The following SYT17 variants were observed in gnomAD, a reference collection of about 807,000 sequenced individuals.
SYT17 encodes synaptotagmin 17, also known as synaptotagmin-17.
SYT17 carries 22 observed loss-of-function variants against 46.7 expected under a neutral mutation model. That is an observed-to-expected ratio of 0.47 (90% CI 0.34 to 0.67). The LOEUF (loss-of-function observed/expected upper bound fraction) is 0.67. SYT17 is among the 30% of genes least tolerant of loss of function. The pLI is 0.01. For synonymous variants in SYT17, 251 were observed against 248.4 expected (o/e 1.01, Z -0.10); for missense variants, 519 against 612.8 (o/e 0.85, Z 1.62).
intron 2 of SYT17, 124 bp downstream of exon 2, chr16:19,172,901 G>A (rs551249466): frequency 1.3e-5 from 16 of 1,222,910 alleles, no homozygotes; most frequent in South Asian, 4.2e-5. Flanking sequence ...TGTTAATAAC[G>A]GCACAGTTTC....
At chr16:19,188,845 C>T (rs182415521) in intron 5 of SYT17, among the ~76,000 whole-genome samples, 86 of 152,272 alleles carry the variant, frequency 5.6e-4, no homozygotes, top group Non-Finnish European at 1.0e-3. Context: ...AATCCCTGTT[C>T]TAACGTCACA....
At chr16:19,175,667 A>AAG (rs376222728) in intron 3 of SYT17, among the ~76,000 whole-genome samples, 10,303 of 146,598 alleles carry the variant, frequency 0.07, 415 homozygotes, top group Non-Finnish European at 0.078. Flanking sequence ...AAAAAAAAAA[A>AAG]GGATTCTACT....
In SYT17 at chr16:19,247,421, G is replaced by A. The variant is rs138372265; in HGVS notation, c.1229-19459G>A. Among the ~76,000 whole-genome samples, 420 of 152,266 alleles carry A rather than the reference G, an allele frequency of 2.8e-3. 1 individual carries two copies. The highest frequency in any genetic ancestry group is 9.7e-3 in the African/African-American group (402 of 41,546). On this transcript the variant is annotated intron_variant, in intron 7 of 7. Transcript: ENST00000355377. Reference sequence around the variant, plus strand: ...ATGTTGGTCAATTTTGATAGATATCGTCAAATTTGCAATTTTTAAAAAAAT... The same window carrying A: ...ATGTTGGTCAATTTTGATAGATATCATCAAATTTGCAATTTTTAAAAAAAT...
chr16:19,220,037 C>A (rs999790431), intron 5 of SYT17, among the ~76,000 whole-genome samples: 1 of 152,136 alleles, frequency 6.6e-6, no homozygotes, highest in Non-Finnish European at 1.5e-5. Context: ...TCTTCCAAGC[C>A]CTTGAGAAGC....
chr16:19,239,545 G>A (rs905818462), intron 7 of SYT17, among the ~76,000 whole-genome samples: 1 of 152,184 alleles, frequency 6.6e-6, no homozygotes, highest in Non-Finnish European at 1.5e-5. Context: ...TCTCAGGGTT[G>A]TTCATGCAGT....
At chr16:19,177,253 A>C (rs1964350816) in intron 3 of SYT17, among the ~76,000 whole-genome samples, 1 of 152,140 alleles carries the variant, frequency 6.6e-6, no homozygotes, top group Non-Finnish European at 1.5e-5. Context: ...ACAAAATTCC[A>C]GGTGGCGCCA....
intron 7 of SYT17, among the ~76,000 whole-genome samples, chr16:19,230,466 CT>C (rs2142901784): frequency 6.6e-6 from 1 of 151,590 alleles, no homozygotes; most frequent in African/African-American, 2.4e-5. Flanking sequence ...TGTGAATATA[CT>C]TAATGCCACT....
intron 5 of SYT17, among the ~76,000 whole-genome samples, chr16:19,213,579 C>T (rs1441478714): frequency 6.6e-6 from 1 of 152,320 alleles, no homozygotes; most frequent in African/African-American, 2.4e-5. Flanking sequence ...AGGAGCTTCT[C>T]GCATCAGATA....
chr16:19,200,372 T>C (rs952152981), intron 5 of SYT17, among the ~76,000 whole-genome samples: 1 of 152,210 alleles, frequency 6.6e-6, no homozygotes, highest in African/African-American at 2.4e-5. Flanking sequence ...ACATCCAAAG[T>C]GTTATCATTT....
chr16:19,242,105 G>T (rs1967175477), intron 7 of SYT17, among the ~76,000 whole-genome samples: 1 of 152,212 alleles, frequency 6.6e-6, no homozygotes, highest in Non-Finnish European at 1.5e-5. Flanking sequence ...TGGGTTATAT[G>T]TCTCAAGTGT....
chr16:19,207,466 A>G (rs1965716022), intron 5 of SYT17, among the ~76,000 whole-genome samples: 2 of 152,114 alleles, frequency 1.3e-5, no homozygotes, highest in Non-Finnish European at 2.9e-5. Context: ...GAAACTTACA[A>G]TCACGGTGGA....
At chr16:19,223,975 C>A (rs577199126) in intron 6 of SYT17, among the ~76,000 whole-genome samples, 7 of 152,202 alleles carry the variant, frequency 4.6e-5, no homozygotes, top group Non-Finnish European at 7.3e-5. Context: ...GTTACTTAAC[C>A]ACTATGTGCC....
At chr16:19,199,744 C>T in intron 5 of SYT17, among the ~76,000 whole-genome samples, 1 of 102,228 alleles carries the variant, frequency 9.8e-6, no homozygotes, top group South Asian at 2.9e-4. Context: ...CTCAAGAAAA[C>T]AAACAAACAA....
At chr16:19,188,162 G>A (rs1298395995) in intron 5 of SYT17, among the ~76,000 whole-genome samples, 1 of 152,138 alleles carries the variant, frequency 6.6e-6, no homozygotes, top group Non-Finnish European at 1.5e-5. Context: ...TCATGAAAAA[G>A]AACAAGATCA....
intron 5 of SYT17, among the ~76,000 whole-genome samples, chr16:19,189,468 G>A (rs1283461581): frequency 6.6e-6 from 1 of 151,650 alleles, no homozygotes; most frequent in African/African-American, 2.4e-5. Context: ...AGCCTTTCAA[G>A]TGGCTGGGAC....
rs186411447 is a variant in SYT17 at position 19,245,198 on chromosome 16, C to T, written c.1228+20360C>T. Among the ~76,000 whole-genome samples the T allele has an allele frequency of 3.3e-5, 5 of 152,260 alleles. No homozygotes were observed. The East Asian group carries it at 9.6e-4, about 29-fold the overall frequency. On this transcript the variant is annotated intron_variant, in intron 7 of 7. Coordinates refer to ENST00000355377, the MANE Select transcript of SYT17 (RefSeq NM_016524.4). ...TATGAAAGCAGTGAAATCAGTGGTT[C>T]TCAACCTGGGGTGACATTGTCTCCC...
intron 7 of SYT17, among the ~76,000 whole-genome samples, chr16:19,237,970 T>A (rs1262522640): frequency 1.3e-5 from 2 of 152,238 alleles, no homozygotes; most frequent in Non-Finnish European, 2.9e-5. Flanking sequence ...TTTTTCTAAG[T>A]ACATTGAGAC....
At chr16:19,262,135 T>C (rs1369341515) in intron 7 of SYT17, among the ~76,000 whole-genome samples, 1 of 152,228 alleles carries the variant, frequency 6.6e-6, no homozygotes, top group Non-Finnish European at 1.5e-5. Flanking sequence ...TACAGTTTAT[T>C]ACAGAAAAAG....
chr16:19,254,973 A>T, intron 7 of SYT17, among the ~76,000 whole-genome samples: 1 of 152,180 alleles, frequency 6.6e-6, no homozygotes. Flanking sequence ...TTCAACCTTG[A>T]CTTTCATCTC....
Sources: allele counts gnomAD v4.1 joint callset (sites outside exome capture counted in the v4.1 genomes callset), GRCh38; gene constraint gnomAD v4.1.1; transcripts MANE v1.5; gene names NCBI Gene and HGNC (gene_info 2026-07-23, HGNC 2026-07-21).